The following SCGB2B2 variants were observed in gnomAD, a reference collection of about 807,000 sequenced individuals.
The protein encoded by SCGB2B2 is secretoglobin family 2B member 2, also known as secretoglobin-like protein.
In SCGB2B2, 11 loss-of-function variants were observed where a neutral mutation model predicts 7.6. The observed-to-expected ratio is 1.45, with a 90% confidence interval of 0.91 to 2.40. The LOEUF (loss-of-function observed/expected upper bound fraction) is 2.40. Among genes scored for constraint, SCGB2B2 ranks in the 30% most tolerant of loss-of-function variants. SCGB2B2 has a pLI of 0.00. For missense variants in SCGB2B2, 104 were observed against 115.4 expected (o/e 0.90, Z 0.45); for synonymous variants, 50 against 48.6 (o/e 1.03, Z -0.12).
intron 1 of SCGB2B2, among the ~76,000 whole-genome samples, chr19:34,659,097 T>G (rs2067373824): frequency 6.6e-6 from 1 of 152,168 alleles, no homozygotes; most frequent in East Asian, 1.9e-4. Context: ...CAGCCTTTCA[T>G]CCTAAAAACT....
rs113533911 is a variant in SCGB2B2, at chr19:34,662,170, G to A, written c.-2032+13460C>T. Among the ~76,000 whole-genome samples the A allele has an allele frequency of 8.5e-3, 1,295 of 152,154 alleles. 19 individuals are homozygous for A. The highest frequency in any genetic ancestry group is 0.03 in the African/African-American group (1,235 of 41,504). The stretch of plus-strand genomic sequence containing the variant: ...GCTGGGATTACAGGTGTGAGCCACC[G>A]CGCCGGGCCATGTTAGTGTATTTTA... On this transcript the variant is annotated intron_variant, in intron 1 of 3. Transcript: ENST00000601241.
At chr19:34,611,180 T>C (rs2065916353) in intron 1 of SCGB2B2, among the ~76,000 whole-genome samples, 1 of 149,434 alleles carries the variant, frequency 6.7e-6, no homozygotes, top group African/African-American at 2.4e-5. Flanking sequence ...TACTATTTCA[T>C]TTTTGGTTTT....
intron 1 of SCGB2B2, among the ~76,000 whole-genome samples, chr19:34,623,539 G>A (rs2066292694): frequency 2.0e-5 from 3 of 152,192 alleles, no homozygotes. Flanking sequence ...TGGATCCAGA[G>A]GAGCTAGTCA....
chr19:34,661,248 T>G (rs147783418), intron 1 of SCGB2B2, among the ~76,000 whole-genome samples: 1 of 152,034 alleles, frequency 6.6e-6, no homozygotes, highest in African/African-American at 2.4e-5. Flanking sequence ...GTTATGCACA[T>G]GTACCCTAGA....
In SCGB2B2 at chr19:34,592,813, CAGGAGCAGA is replaced by C. The variant is rs1444974075; in HGVS notation, c.*733_*741del. On this transcript the variant is annotated 3_prime_UTR_variant, in exon 4 of 4. Transcript: ENST00000601241. ...GCAGATTGCCTGGTCCCACCAGCCC[CAGGAGCAGA>C]GCTGAGCTGCAGGTATTTATGGGGA... Among the ~76,000 whole-genome samples the C allele has an allele frequency of 1.3e-5, 2 of 152,184 alleles. No individual in the cohort carries two copies. The highest frequency in any genetic ancestry group is 1.3e-4 in the Admixed American group (2 of 15,290).
chr19:34,603,795 C>CTTTTTTTT (rs71165672), intron 1 of SCGB2B2, among the ~76,000 whole-genome samples: 16 of 131,268 alleles, frequency 1.2e-4, no homozygotes, highest in East Asian at 2.3e-4. Flanking sequence ...TGTTTTATTA[C>CTTTTTTTT]TTTTTTTTTT....
chr19:34,636,959 G>A (rs1029843219), intron 1 of SCGB2B2, among the ~76,000 whole-genome samples: 3 of 152,108 alleles, frequency 2.0e-5, no homozygotes, highest in Admixed American at 2.0e-4. Context: ...CACGACAGGT[G>A]AGTGGACAGC....
intron 1 of SCGB2B2, among the ~76,000 whole-genome samples, chr19:34,603,881 C>T (rs558557064): frequency 6.8e-6 from 1 of 147,116 alleles, no homozygotes; most frequent in South Asian, 2.1e-4. Flanking sequence ...GATGATAGCT[C>T]ACTGTAGCCT....
At chr19:34,645,780 A>G in intron 1 of SCGB2B2, 1 of 304,376 alleles carries the variant, frequency 3.3e-6, no homozygotes. Flanking sequence ...CTTCACCGTC[A>G]TTGCCATCCC....
rs2065339219 is a variant in SCGB2B2, at chr19:34,593,015, T to C, written c.*540A>G. Among the ~76,000 whole-genome samples, 1 of 152,088 alleles carries C rather than the reference T, an allele frequency of 6.6e-6. No individual in the cohort carries two copies. Among genetic ancestry groups the C allele is most frequent in the South Asian group, 2.1e-4 (1 of 4,826 alleles). On this transcript the variant is annotated 3_prime_UTR_variant, in exon 4 of 4. Coordinates refer to ENST00000601241, the MANE Select transcript of SCGB2B2 (RefSeq NM_001025591.4). Reference sequence around the variant, plus strand: ...ATGGAGAAGTGTGTTAAGGTTGATTTCCTGGGTTCCGAAAACAGGCATATC... The same window carrying C: ...ATGGAGAAGTGTGTTAAGGTTGATTCCCTGGGTTCCGAAAACAGGCATATC...
intron 1 of SCGB2B2, among the ~76,000 whole-genome samples, chr19:34,619,848 CA>C (rs2066191037): frequency 6.7e-6 from 1 of 149,338 alleles, no homozygotes; most frequent in Non-Finnish European, 1.5e-5. Flanking sequence ...TGAGAATTAA[CA>C]TAATAATGTC....
chr19:34,585,861 T>C (rs2065181352), downstream of SCGB2B2, among the ~76,000 whole-genome samples: 1 of 152,244 alleles, frequency 6.6e-6, no homozygotes, highest in Non-Finnish European at 1.5e-5. Context: ...AGTGATGGTA[T>C]CTGCAGAAGT....
At chr19:34,588,127 G>A (rs745922498), downstream of SCGB2B2, among the ~76,000 whole-genome samples, 4 of 152,170 alleles carry the variant, frequency 2.6e-5, no homozygotes, top group African/African-American at 4.8e-5. Flanking sequence ...AATATTTGGC[G>A]GAATTCTGCA....
intron 1 of SCGB2B2, among the ~76,000 whole-genome samples, chr19:34,630,121 A>C (rs1484467062): frequency 1.3e-5 from 2 of 151,884 alleles, no homozygotes; most frequent in Non-Finnish European, 2.9e-5. Flanking sequence ...TTCAAGATGG[A>C]TTAAAGACTT....
At chr19:34,585,589 TATC>T in the SCGB2B2 span, among the ~76,000 whole-genome samples, 4 of 152,234 alleles carry the variant, frequency 2.6e-5, no homozygotes, top group Admixed American at 6.5e-5. Context: ...GAGACAGAGT[TATC>T]ATCAAAATGA....
intron 1 of SCGB2B2, among the ~76,000 whole-genome samples, chr19:34,664,890 C>T (rs1449722472): frequency 6.6e-6 from 1 of 151,484 alleles, no homozygotes; most frequent in Non-Finnish European, 1.5e-5. Context: ...CCTCTTTCTT[C>T]ATCCTCCAGG....
intron 1 of SCGB2B2, among the ~76,000 whole-genome samples, chr19:34,659,100 T>C (rs2067373978): frequency 1.3e-5 from 2 of 152,176 alleles, no homozygotes; most frequent in Admixed American, 6.5e-5. Context: ...CCTTTCATCC[T>C]AAAAACTCTC....
intron 3 of SCGB2B2, 51 bp downstream of exon 3, chr19:34,594,124 C>T (rs767938750): frequency 2.7e-6 from 4 of 1,460,264 alleles, no homozygotes; most frequent in Non-Finnish European, 3.8e-6. Context: ...GAAGTGCAAG[C>T]CTGGGACGTG....
At chr19:34,630,549 C>G (rs1340659931) in intron 1 of SCGB2B2, among the ~76,000 whole-genome samples, 1 of 151,880 alleles carries the variant, frequency 6.6e-6, no homozygotes, top group Non-Finnish European at 1.5e-5. Flanking sequence ...AAATGCAAAT[C>G]AAAACAACAA....
Sources: allele counts gnomAD v4.1 joint callset (sites outside exome capture counted in the v4.1 genomes callset), GRCh38; gene constraint gnomAD v4.1.1; transcripts MANE v1.5; gene names NCBI Gene and HGNC (gene_info 2026-07-23, HGNC 2026-07-21).